The following FBXO38 variants were observed in gnomAD, a reference collection of about 807,000 sequenced individuals.
The protein encoded by FBXO38 is F-box protein 38, also known as F-box only protein 38.
A neutral mutation model predicts 131.9 loss-of-function variants in FBXO38; 53 were observed. The ratio of observed to expected loss-of-function variants is 0.40; its 90% CI spans 0.32 to 0.51. The LOEUF (loss-of-function observed/expected upper bound fraction) is 0.51. Among genes scored for constraint, FBXO38 ranks in the 20% least tolerant of loss-of-function variants. FBXO38 has a pLI of 0.53. For synonymous variants in FBXO38, 452 were observed against 505.6 expected, an observed-to-expected ratio of 0.89 and a Z score of 1.42; for missense variants, 1,076 against 1,475.6, an observed-to-expected ratio of 0.73 and a Z score of 4.44.
intron 9 of FBXO38, 80 bp downstream of exon 9, chr5:148,410,845 CA>C: frequency 7.3e-7 from 1 of 1,364,918 alleles, no homozygotes; most frequent in Admixed American, 2.4e-5. Context: ...TGGGTTGTGC[CA>C]TGTCTTTTTG....
Position 148,427,341 on chromosome 5 carries a change from G to A in FBXO38, c.2047G>A (p.Ala683Thr). Residue 683 changes from alanine (A) to threonine (T), a missense_variant, in exon 15 of 22, where the codon GCC becomes ACC. By Grantham distance (58) the Ala-to-Thr change is moderately conservative. Around this residue, in one of 8 missense-constraint regions of FBXO38, gnomAD observed 213 missense variants for 225.2 expected, o/e 0.95. Coordinates refer to ENST00000340253, the MANE Select transcript of FBXO38 (RefSeq NM_205836.3). Reference sequence around the variant, plus strand: ...TCAGGTCACCAGTGAGCAGATCAAAGCCGATATGAAAGCAGCTAGGGATAT... The same window carrying A: ...TCAGGTCACCAGTGAGCAGATCAAAACCGATATGAAAGCAGCTAGGGATAT... ...GCQVTSEQIK[A>T]DMKAARDIPE... 6.2e-7 allele frequency: 1 copy of A among 1,614,168 alleles called. No homozygotes were observed. The highest frequency in any genetic ancestry group is 1.6e-4 in the Middle Eastern group (1 of 6,062).
chr5:148,436,408 C>A (rs1315434068), intron 17 of FBXO38, among the ~76,000 whole-genome samples: 2 of 152,134 alleles, frequency 1.3e-5, no homozygotes, highest in African/African-American at 4.8e-5. Flanking sequence ...ACTTTCTGAG[C>A]ACTAACATGA....
At chr5:148,424,160 G>T in intron 13 of FBXO38, 43 bp downstream of exon 13, 1 of 1,580,062 alleles carries the variant, frequency 6.3e-7, no homozygotes, top group Non-Finnish European at 8.6e-7. Flanking sequence ...CTGAAACTAC[G>T]GCCTAACTGT....
At chr5:148,396,604 C>G (rs997243897) in intron 2 of FBXO38, among the ~76,000 whole-genome samples, 3 of 151,968 alleles carry the variant, frequency 2.0e-5, no homozygotes, top group African/African-American at 7.3e-5. Context: ...TTGGATAATG[C>G]TAGGATATAT....
rs769401946 is a variant in FBXO38 at position 148,438,388 on chromosome 5, C to A, written c.2914C>A (p.Arg972=). 1 of 1,613,790 alleles carries A rather than the reference C, an allele frequency of 6.2e-7. No individual in the cohort carries two copies. Among genetic ancestry groups the A allele is most frequent in the East Asian group, 2.2e-5 (1 of 44,860 alleles). Residue 972 remains arginine (R), a synonymous_variant, in exon 18 of 22, where the codon CGA becomes AGA. Coordinates refer to ENST00000340253, the MANE Select transcript of FBXO38 (RefSeq NM_205836.3). ...LKVENAPIVN[R]FDYAQCKKLN... is the part of the protein sequence containing the mutation. ...GGTAGAAAATGCACCAATTGTAAAC[C>A]GATTTGACTATGCACAGTGCAAGAA...
intron 17 of FBXO38, among the ~76,000 whole-genome samples, chr5:148,437,707 C>G (rs1435433285): frequency 6.6e-6 from 1 of 152,048 alleles, no homozygotes; most frequent in Non-Finnish European, 1.5e-5. Flanking sequence ...TTTATTATAT[C>G]AAAATTACTT....
chr5:148,407,783 G>A (rs578112725), intron 7 of FBXO38, among the ~76,000 whole-genome samples: 38 of 152,144 alleles, frequency 2.5e-4, no homozygotes, highest in South Asian at 1.7e-3. Flanking sequence ...AAATTAGCCC[G>A]TCGTGGTGGC....
At chr5:148,429,281 C>T (rs1753896389) in intron 15 of FBXO38, among the ~76,000 whole-genome samples, 1 of 151,744 alleles carries the variant, frequency 6.6e-6, no homozygotes, top group Non-Finnish European at 1.5e-5. Context: ...TCATTGATTT[C>T]AGTTTAGTTC....
chr5:148,397,714 T>C (rs1758554662), intron 2 of FBXO38: 1 of 152,196 alleles, frequency 6.6e-6, no homozygotes, highest in Non-Finnish European at 1.5e-5. Context: ...AGCAGTGTTG[T>C]TAAGAGTTAG....
chr5:148,432,346 T>G (rs1754081980), intron 15 of FBXO38, among the ~76,000 whole-genome samples: 1 of 152,224 alleles, frequency 6.6e-6, no homozygotes. Context: ...TTGAAGTGTA[T>G]TGCTTCAGAA....
chr5:148,402,179 C>T (rs769571324), intron 4 of FBXO38, 34 bp downstream of exon 4: 5 of 1,588,222 alleles, frequency 3.1e-6, no homozygotes, highest in Admixed American at 3.5e-5. Context: ...TTGGCATCAA[C>T]TGTTTATGAA....
At chr5:148,432,430 G>A (rs1381177869) in intron 15 of FBXO38, among the ~76,000 whole-genome samples, 2 of 152,202 alleles carry the variant, frequency 1.3e-5, no homozygotes, top group African/African-American at 4.8e-5. Flanking sequence ...TTCTAGCTTA[G>A]TGACTGGTGC....
chr5:148,388,963 TGA>T (rs748771988), intron 1 of FBXO38, among the ~76,000 whole-genome samples: 1 of 152,214 alleles, frequency 6.6e-6, no homozygotes, highest in East Asian at 1.9e-4. Context: ...TGATTTAAAG[TGA>T]GAGATGCTCA....
intron 1 of FBXO38, chr5:148,384,907 G>T (rs1757830100): frequency 6.6e-6 from 1 of 152,158 alleles, no homozygotes; most frequent in South Asian, 2.1e-4. Flanking sequence ...TTCCAAAGTT[G>T]CTATTAACTT....
intron 2 of FBXO38, among the ~76,000 whole-genome samples, chr5:148,395,610 C>G (rs1369224838): frequency 6.6e-6 from 1 of 151,872 alleles, no homozygotes; most frequent in Non-Finnish European, 1.5e-5. Context: ...GAGTTTGAAT[C>G]CTGGGTCTAT....
Position 148,399,139 on chromosome 5 carries a change from G to GT in FBXO38, c.262+7_262+8insT, listed in dbSNP as rs779999660. 6 of 1,612,628 alleles carry GT rather than the reference G, an allele frequency of 3.7e-6. No individual in the cohort carries two copies. The South Asian group carries it at 5.5e-5, about 15-fold the overall frequency. The stretch of plus-strand genomic sequence containing the variant: ...TGGGAATACATGCCAAGTGGTAAGT[G>GT]GATTTAGTCTGTGAAGTACAGTAGT... On this transcript the variant is annotated splice_region_variant and intron_variant, in intron 3 of 21. Coordinates refer to ENST00000340253, the MANE Select transcript of FBXO38 (RefSeq NM_205836.3).
chr5:148,432,201 A>G (rs1220708772), intron 15 of FBXO38, among the ~76,000 whole-genome samples: 1 of 152,256 alleles, frequency 6.6e-6, no homozygotes, highest in African/African-American at 2.4e-5. Context: ...TGTATTCAAT[A>G]TATGCTCTGC....
chr5:148,399,286 GT>G, intron 3 of FBXO38, 154 bp downstream of exon 3: 1 of 781,832 alleles, frequency 1.3e-6, no homozygotes, highest in South Asian at 1.9e-5. Flanking sequence ...TGGGTTTTAG[GT>G]TGTAAAATGC....
At chr5:148,423,841 C>T in intron 12 of FBXO38, 157 bp from the exon 13 acceptor site, 3 of 546,976 alleles carry the variant, frequency 5.5e-6, no homozygotes, top group Non-Finnish European at 3.2e-6. Context: ...TTAATATCTG[C>T]AGTAACAAGC....
Sources: gnomAD v4.1 joint callset for allele counts (sites outside exome capture counted in the v4.1 genomes callset) on GRCh38, gnomAD v4.1.1 for gene constraint, gnomAD v4.1.1 regional missense constraint, MANE v1.5 for transcripts, NCBI Gene and HGNC (gene_info 2026-07-23, HGNC 2026-07-21) for gene names.